BMPR1B: variants seen among roughly 807,000 people sequenced by gnomAD.
BMPR1B encodes bone morphogenetic protein receptor type 1B.
A neutral mutation model predicts 59.1 loss-of-function variants in BMPR1B; 12 were observed. The ratio of observed to expected loss-of-function variants is 0.20; its 90% CI spans 0.13 to 0.33. The LOEUF is 0.33. BMPR1B is among the 10% of genes least tolerant of loss of function. BMPR1B has a pLI of 1.00. For missense variants in BMPR1B, 550 were observed against 610.9 expected, an observed-to-expected ratio of 0.90 and a Z score of 1.05; for synonymous variants, 237 against 207.3, an observed-to-expected ratio of 1.14 and a Z score of -1.23.
chr4:95,030,848 C>T (rs1360705284), intron 3 of BMPR1B, among the ~76,000 whole-genome samples: 1 of 152,142 alleles, frequency 6.6e-6, no homozygotes, highest in African/African-American at 2.4e-5. Context: ...GAACTACAAA[C>T]CACTGCTCAA....
intron 11 of BMPR1B, among the ~76,000 whole-genome samples, chr4:95,149,395 C>A (rs537317215): frequency 1.3e-5 from 2 of 152,228 alleles, no homozygotes; most frequent in African/African-American, 4.8e-5. Context: ...TATAAAACTT[C>A]CCCATAAAGC....
intron 3 of BMPR1B, among the ~76,000 whole-genome samples, chr4:95,034,784 G>A (rs1184815649): frequency 6.6e-6 from 1 of 151,566 alleles, no homozygotes; most frequent in Non-Finnish European, 1.5e-5. Flanking sequence ...TTTCCCTCTG[G>A]GTAGATACAC....
chr4:94,920,503 T>C (rs554368851), intron 2 of BMPR1B, among the ~76,000 whole-genome samples: 6 of 152,286 alleles, frequency 3.9e-5, no homozygotes, highest in South Asian at 2.1e-4. Flanking sequence ...CAAAGGTCTT[T>C]GAATGCAATG....
intron 3 of BMPR1B, 40 bp from the exon 4 acceptor site, chr4:95,104,368 T>C: frequency 6.2e-7 from 1 of 1,607,782 alleles, no homozygotes; most frequent in South Asian, 1.1e-5. Flanking sequence ...TGGGGTAGTC[T>C]ACCCCACAGA....
intron 2 of BMPR1B, among the ~76,000 whole-genome samples, chr4:94,891,346 G>C (rs1379377313): frequency 2.0e-5 from 3 of 152,016 alleles, no homozygotes; most frequent in African/African-American, 7.2e-5. Context: ...CTTGGATTCT[G>C]ATAACAAAAG....
chr4:95,102,784 T>C (rs1371747963), intron 3 of BMPR1B, among the ~76,000 whole-genome samples: 2 of 152,156 alleles, frequency 1.3e-5, no homozygotes, highest in Admixed American at 6.5e-5. Flanking sequence ...TATATAGAAA[T>C]AATACATGTA....
intron 3 of BMPR1B, among the ~76,000 whole-genome samples, chr4:95,009,015 A>G (rs1262993790): frequency 1.3e-5 from 2 of 152,180 alleles, no homozygotes; most frequent in African/African-American, 4.8e-5. Context: ...TGATCACTCC[A>G]CTGCACTGTA....
intron 1 of BMPR1B, among the ~76,000 whole-genome samples, chr4:94,872,546 A>T (rs1726543950): frequency 6.6e-6 from 1 of 152,186 alleles, no homozygotes; most frequent in Admixed American, 6.5e-5. Flanking sequence ...AGAATTGATG[A>T]ATCTGCTGGG....
chr4:94,880,964 C>T (rs992749278), intron 2 of BMPR1B, among the ~76,000 whole-genome samples: 1 of 152,098 alleles, frequency 6.6e-6, no homozygotes, highest in Non-Finnish European at 1.5e-5. Flanking sequence ...CTTTTAAAGT[C>T]AGAAAATTCT....
intron 1 of BMPR1B, among the ~76,000 whole-genome samples, chr4:94,781,867 C>G (rs1038551519): frequency 6.6e-6 from 1 of 152,070 alleles, no homozygotes. Context: ...ACCGGTTAAC[C>G]TCATTGCAGT....
At chr4:94,823,002 TATTAATGTCAAAAA>T (rs1329719696) in intron 1 of BMPR1B, among the ~76,000 whole-genome samples, 1 of 152,190 alleles carries the variant, frequency 6.6e-6, no homozygotes, top group Admixed American at 6.5e-5. Context: ...GGTTAAAAAG[TATTAATGTCAAAAA>T]ATAAATTTTT....
intron 2 of BMPR1B, among the ~76,000 whole-genome samples, chr4:94,914,291 C>T (rs1444933): frequency 0.26 from 39,632 of 151,932 alleles, 6,201 homozygotes; most frequent in African/African-American, 0.44. Flanking sequence ...AGAGAGAACA[C>T]TGATAAAGGA....
At chr4:94,777,786 G>A (rs1325627411) in intron 1 of BMPR1B, among the ~76,000 whole-genome samples, 1 of 152,090 alleles carries the variant, frequency 6.6e-6, no homozygotes, top group African/African-American at 2.4e-5. Context: ...AGCACTTTGG[G>A]AGGCTGAGGT....
chr4:94,862,821 T>C (rs11932204), intron 1 of BMPR1B, among the ~76,000 whole-genome samples: 4,686 of 151,890 alleles, frequency 0.031, 152 homozygotes, highest in African/African-American at 0.077. Flanking sequence ...TGCGGGCACC[T>C]GTAGTCCCAG....
intron 1 of BMPR1B, among the ~76,000 whole-genome samples, chr4:94,841,006 G>A (rs949493459): frequency 9.5e-5 from 14 of 147,222 alleles, no homozygotes; most frequent in Middle Eastern, 3.5e-3. Context: ...CTGCAGGTCT[G>A]TTGGAGTACC....
chr4:94,895,648 T>C (rs1727556120), intron 2 of BMPR1B, among the ~76,000 whole-genome samples: 5 of 151,326 alleles, frequency 3.3e-5, no homozygotes. Context: ...AATATCTTGG[T>C]ATTTATGAGG....
chr4:95,113,417 A>G (rs991480440), intron 4 of BMPR1B, among the ~76,000 whole-genome samples: 9 of 152,196 alleles, frequency 5.9e-5, no homozygotes, highest in African/African-American at 2.2e-4. Flanking sequence ...GGTGTTGATA[A>G]TAACTGAAGG....
At chr4:95,128,395 A>G (rs567020327) in intron 8 of BMPR1B, among the ~76,000 whole-genome samples, 5 of 152,348 alleles carry the variant, frequency 3.3e-5, no homozygotes, top group East Asian at 3.9e-4. Context: ...TAAGAGTTAT[A>G]CGCTAGATTC....
intron 1 of BMPR1B, among the ~76,000 whole-genome samples, chr4:94,799,056 C>G (rs1560490469): frequency 6.6e-6 from 1 of 151,152 alleles, no homozygotes. Context: ...GGATAACCCC[C>G]ATAAAGGTTT....
Sources: allele counts gnomAD v4.1 joint callset (sites outside exome capture counted in the v4.1 genomes callset), GRCh38; gene constraint gnomAD v4.1.1; transcripts MANE v1.5; gene names NCBI Gene and HGNC (gene_info 2026-07-23, HGNC 2026-07-21).